Variants in NSFL1C observed in about 807,000 individuals in gnomAD.
The protein encoded by NSFL1C is NSFL1 cofactor.
A neutral mutation model predicts 43.1 loss-of-function variants in NSFL1C; 14 were observed. The ratio of observed to expected loss-of-function variants is 0.32; its 90% CI spans 0.21 to 0.51. The LOEUF (loss-of-function observed/expected upper bound fraction) is 0.51. NSFL1C is among the 20% of genes least tolerant of loss of function. The pLI is 0.98. For synonymous variants in NSFL1C, 171 were observed against 183.5 expected (o/e 0.93, Z 0.55); for missense variants, 406 against 472.5 (o/e 0.86, Z 1.30).
intron 8 of NSFL1C, among the ~76,000 whole-genome samples, chr20:1,445,253 T>C (rs977609243): frequency 2.0e-5 from 3 of 152,162 alleles, no homozygotes; most frequent in Non-Finnish European, 4.4e-5. Flanking sequence ...ACAGGCCCCT[T>C]GTGGGGAGGG....
In NSFL1C at chr20:1,454,970, C is replaced by G. The variant is rs752582774; in HGVS notation, c.441G>C (p.Pro147=). ...VTKSPGETSK[P]RPFAGGGYRL... ...AGACAATGACCCTTATACTCACTCT[C>G]GGTTTACTGGTCTCTCCAGGGCTCT... Residue 147 remains proline, a synonymous_variant, in exon 4 of 9, where the codon CCG becomes CCC. Transcript: ENST00000216879. The G allele has an allele frequency of 6.2e-7, 1 of 1,613,090 alleles. No individual in the cohort carries two copies. The highest frequency in any genetic ancestry group is 1.3e-5 in the African/African-American group (1 of 74,898).
At chr20:1,444,504 A>T (rs1197465111) in intron 8 of NSFL1C, among the ~76,000 whole-genome samples, 2 of 152,244 alleles carry the variant, frequency 1.3e-5, no homozygotes, top group Admixed American at 1.3e-4. Context: ...TCGTTTCTCC[A>T]GACACTACCT....
intron 4 of NSFL1C, 127 bp downstream of exon 4, chr20:1,454,840 C>G (rs1212202032): frequency 1.6e-5 from 16 of 1,001,182 alleles, no homozygotes; most frequent in African/African-American, 3.2e-5. Context: ...CACTCGTGTT[C>G]CGCACAGAAG....
chr20:1,459,208 G>A (rs968881017), intron 2 of NSFL1C, among the ~76,000 whole-genome samples: 1 of 152,122 alleles, frequency 6.6e-6, no homozygotes. Flanking sequence ...AATTCCCAGT[G>A]TTGGAGGAGG....
Position 1,443,810 on chromosome 20 carries a change from T to A in NSFL1C, c.1052A>T (p.Glu351Val). 1.2e-6 allele frequency: 2 copies of A among 1,614,160 alleles called. No homozygotes were observed. Among genetic ancestry groups the A allele is most frequent in the Non-Finnish European group, 1.7e-6 (2 of 1,180,022 alleles). ...TTFPNKELADESQTLKEANLL... is the reference protein window; with the variant it reads ...TTFPNKELADVSQTLKEANLL... ...GTTGGCTTCCTTCAGGGTCTGGCTC[T>A]CATCAGCCAGCTCTTTGTTCGGGAA... Residue 351 changes from glutamate (E) to valine (V), a missense_variant, in exon 9 of 9, where the codon GAG becomes GTG. Glu to Val is a moderately radical substitution (Grantham distance 121, BLOSUM62 -2). Coordinates refer to ENST00000216879, the MANE Select transcript of NSFL1C (RefSeq NM_016143.5).
chr20:1,453,800 T>C (rs1038754435), intron 5 of NSFL1C, among the ~76,000 whole-genome samples: 6 of 152,014 alleles, frequency 3.9e-5, no homozygotes, highest in Non-Finnish European at 8.8e-5. Flanking sequence ...GGAGACCCTA[T>C]GCACAGGGCT....
At chr20:1,464,143 G>A in intron 2 of NSFL1C, 186 bp downstream of exon 2, 1 of 558,094 alleles carries the variant, frequency 1.8e-6, no homozygotes, top group Non-Finnish European at 3.2e-6. Flanking sequence ...ACCACACCCA[G>A]TTAAAAGTCA....
At chr20:1,444,970 C>T (rs755255134) in intron 8 of NSFL1C, among the ~76,000 whole-genome samples, 13 of 152,246 alleles carry the variant, frequency 8.5e-5, no homozygotes, top group Non-Finnish European at 1.6e-4. Context: ...AAACAATTCA[C>T]TGATCCCACA....
Position 1,452,627 on chromosome 20 carries a change from C to G in NSFL1C, c.651G>C (p.Glu217Asp), listed in dbSNP as rs1334477997. ...AQFLESIRRG[E>D]VPAELRRLAH... ...CTAGCCTCCGAAGCTCTGCTGGCAC[C>G]TCCCTGTGGAAGAAAAGGCCATGCT... The change falls in exon 7 of 9, where the codon GAG (glutamate) becomes GAC (aspartate). Residue 217 changes from glutamate (E) to aspartate (D), a missense_variant. Coordinates refer to ENST00000216879, the MANE Select transcript of NSFL1C (RefSeq NM_016143.5). The G allele has an allele frequency of 1.9e-6, 3 of 1,614,006 alleles. No homozygotes were observed. Among genetic ancestry groups the G allele is most frequent in the Non-Finnish European group, 2.5e-6 (3 of 1,180,016 alleles).
At chr20:1,458,318 G>T in intron 2 of NSFL1C, 44 bp from the exon 3 acceptor site, 2 of 1,542,640 alleles carry the variant, frequency 1.3e-6, no homozygotes, top group Non-Finnish European at 1.8e-6. Context: ...GGAGCATTAA[G>T]AAAGGTAACC....
intron 7 of NSFL1C, among the ~76,000 whole-genome samples, chr20:1,447,397 A>G (rs181007609): frequency 6.6e-6 from 1 of 150,616 alleles, no homozygotes; most frequent in East Asian, 1.9e-4. Context: ...CCCAACACAA[A>G]TTTGTAAACT....
intron 3 of NSFL1C, chr20:1,455,937 T>G (rs2090290615): frequency 1.7e-6 from 1 of 601,520 alleles, no homozygotes; most frequent in Non-Finnish European, 3.0e-6. Flanking sequence ...ACACCCACAC[T>G]GGGCTTTGCA....
chr20:1,452,202 C>G (rs972243597), intron 7 of NSFL1C, among the ~76,000 whole-genome samples: 8 of 152,168 alleles, frequency 5.3e-5, no homozygotes, highest in African/African-American at 1.9e-4. Flanking sequence ...CTCACTTATT[C>G]CTTGCAACAA....
chr20:1,449,660 G>C (rs565231883), intron 7 of NSFL1C, among the ~76,000 whole-genome samples: 4 of 152,288 alleles, frequency 2.6e-5, no homozygotes, highest in African/African-American at 9.6e-5. Flanking sequence ...TCTATAAATA[G>C]TGTTTTTTGG....
At chr20:1,451,000 C>T (rs1260705280) in intron 7 of NSFL1C, among the ~76,000 whole-genome samples, 1 of 152,182 alleles carries the variant, frequency 6.6e-6, no homozygotes, top group African/African-American at 2.4e-5. Context: ...GAAAGATACA[C>T]TTGCCAGATA....
In NSFL1C at chr20:1,443,868, TGG is replaced by T; in HGVS notation, c.992_993del (p.Ala331AspfsTer19). 6.2e-7 allele frequency: 1 copy of T among 1,613,694 alleles called. No homozygotes were observed. Among genetic ancestry groups the T allele is most frequent in the Non-Finnish European group, 8.5e-7 (1 of 1,179,952 alleles). On this transcript the variant is annotated frameshift_variant, in exon 9 of 9. Coordinates refer to ENST00000216879, the MANE Select transcript of NSFL1C (RefSeq NM_016143.5). LOFTEE classifies it high-confidence loss of function. ...IRLFIVDARP[A>X]MAATSFILMT... ...ATGAGGATAAAGCTGGTGGCAGCCA[TGG>T]CTGGCCGGGCATCCACGATGAAGAG...
chr20:1,450,816 G>C (rs1280828320), intron 7 of NSFL1C, among the ~76,000 whole-genome samples: 1 of 152,180 alleles, frequency 6.6e-6, no homozygotes, highest in Non-Finnish European at 1.5e-5. Flanking sequence ...ATGTTTAACA[G>C]CAAGGACTGG....
chr20:1,460,834 T>A (rs578034440), intron 2 of NSFL1C, among the ~76,000 whole-genome samples: 1 of 152,200 alleles, frequency 6.6e-6, no homozygotes, highest in Non-Finnish European at 1.5e-5. Context: ...AATCAGACAA[T>A]CGTAGTTCCC....
chr20:1,452,479 G>A lies in NSFL1C; in HGVS notation c.785+14C>T. On this transcript the variant is annotated intron_variant, in intron 7 of 8. Transcript: ENST00000216879. ...GATTGACAGAGTCTGGCTCTAACCT[G>A]TGCTGCCCCTTACCTGCCCAGTTTC... 1 of 1,613,784 alleles carries A rather than the reference G, an allele frequency of 6.2e-7. No homozygotes were observed. The highest frequency in any genetic ancestry group is 8.5e-7 in the Non-Finnish European group (1 of 1,179,790).
Sources: gnomAD v4.1 joint callset for allele counts (sites outside exome capture counted in the v4.1 genomes callset) on GRCh38, gnomAD v4.1.1 for gene constraint, MANE v1.5 for transcripts, NCBI Gene and HGNC (gene_info 2026-07-23, HGNC 2026-07-21) for gene names.